CAPN2: variants seen among roughly 807,000 people sequenced by gnomAD.
CAPN2 encodes the protein calpain 2, also known as calpain-2 catalytic subunit.
In CAPN2, 92 loss-of-function variants were observed where a neutral mutation model predicts 102.3. That is an observed-to-expected ratio of 0.90 (90% CI 0.76 to 1.07). The LOEUF is 1.07. CAPN2 is among the 50% of genes least tolerant of loss of function. CAPN2 has a pLI of 0.00. For synonymous variants in CAPN2, 340 were observed against 355.4 expected (o/e 0.96, Z 0.49); for missense variants, 800 against 909.4 (o/e 0.88, Z 1.55).
chr1:223,770,662 C>T (rs1424231539), intron 18 of CAPN2, 137 bp downstream of exon 18: 4 of 564,984 alleles, frequency 7.1e-6, no homozygotes, highest in Non-Finnish European at 1.3e-5. Context: ...CAGACACCTC[C>T]TTTTCATTCC....
chr1:223,771,866 A>AGCTC lies in CAPN2; in HGVS notation c.1962_1965dup (p.Ile656AlafsTer6), dbSNP rs754928565. ...ATCGTTGCTCGGTTTGCAGATGACC[A>AGCTC]GCTCATCATCGATTTTGATAATTTT... On this transcript the variant is annotated frameshift_variant, in exon 19 of 21. Coordinates refer to ENST00000295006, the MANE Select transcript of CAPN2 (RefSeq NM_001748.5). LOFTEE classifies it high-confidence loss of function. 1.9e-6 allele frequency: 3 copies of AGCTC among 1,614,190 alleles called. No individual in the cohort carries two copies. Among genetic ancestry groups the AGCTC allele is most frequent in the Non-Finnish European group, 8.5e-7 (1 of 1,180,002 alleles).
At chr1:223,772,361 C>T in intron 20 of CAPN2, 122 bp downstream of exon 20, 1 of 757,462 alleles carries the variant, frequency 1.3e-6, no homozygotes, top group Non-Finnish European at 2.2e-6. Context: ...TCTGTCGGGG[C>T]CAGGCCTGTA....
At chr1:223,768,985 G>A (rs1051152004) in intron 16 of CAPN2, among the ~76,000 whole-genome samples, 1 of 152,130 alleles carries the variant, frequency 6.6e-6, no homozygotes, top group African/African-American at 2.4e-5. Flanking sequence ...TTTTGCTCTA[G>A]CTCCTTCCCA....
intron 2 of CAPN2, among the ~76,000 whole-genome samples, chr1:223,720,474 C>G (rs559677453): frequency 1.2e-4 from 19 of 152,142 alleles, no homozygotes; most frequent in African/African-American, 4.6e-4. Context: ...CGCCACCACA[C>G]CTGGCTAATT....
chr1:223,757,655 T>C (rs1026504783), intron 11 of CAPN2: 2 of 519,818 alleles, frequency 3.8e-6, no homozygotes, highest in African/African-American at 1.9e-5. Context: ...AGAAAATCCA[T>C]GATCCTGAGA....
chr1:223,774,855 T>C lies in CAPN2; in HGVS notation c.2101T>C (p.Ter701ArgextTer4), dbSNP rs769618868. 4.3e-6 allele frequency: 7 copies of C among 1,613,390 alleles called. No homozygotes were observed. In the South Asian group the frequency reaches 7.7e-5, roughly 18 times the overall value. ...ACAGTGGCTCTGTTTCTCAGTACTT[T>C]GAAGTTATAACTAATCTGCCTGAAG... The part of the protein sequence containing the change: ...LISWLCFSVL[*>R] Residue 701 changes from the stop codon to arginine (R), a stop_lost, in exon 21 of 21, where the codon TGA (stop) becomes CGA (arginine). Coordinates refer to ENST00000295006, the MANE Select transcript of CAPN2 (RefSeq NM_001748.5).
chr1:223,755,557 T>A lies in CAPN2; in HGVS notation c.1213T>A (p.Cys405Ser), dbSNP rs949297706. Residue 405 changes from cysteine to serine, a missense_variant, in exon 10 of 21, where the codon TGC becomes AGC. By Grantham distance (112) the Cys-to-Ser change is moderately radical. Transcript: ENST00000295006. This position sits in a 1 kb window ranked among gnomAD's most constrained non-coding sequence, Gnocchi z 4.1. ...GGACGAGGAGGATGGGGAGAGCGGC[T>A]GCACCTTCCTGGTGGGGCTCATTCA... ...DEDEEDGESGCTFLVGLIQKH... is the reference protein window; with the variant it reads ...DEDEEDGESGSTFLVGLIQKH... 1.9e-6 allele frequency: 3 copies of A among 1,613,870 alleles called. No individual in the cohort carries two copies. In the African/African-American group the frequency reaches 4.0e-5, roughly 22 times the overall value.
In CAPN2 at chr1:223,754,749, G is replaced by A. The variant is rs560082304; in HGVS notation, c.1136-731G>A. Among the ~76,000 whole-genome samples, 1 of 152,348 alleles carries A rather than the reference G, an allele frequency of 6.6e-6. No individual in the cohort carries two copies. Among genetic ancestry groups the A allele is most frequent in the African/African-American group, 2.4e-5 (1 of 41,562 alleles). On this transcript the variant is annotated intron_variant, in intron 9 of 20. Transcript: ENST00000295006. This position sits in a 1 kb window ranked among gnomAD's most constrained non-coding sequence, Gnocchi z 4.7. ...AGGGAATAGGCCTGAGAGGACAAGG[G>A]ACGCAGAACAAGAAAGAGTCTGGAA...
In CAPN2 at chr1:223,712,541, T is replaced by C. The variant is rs1659756921; in HGVS notation, c.-100T>C. On this transcript the variant is annotated 5_prime_UTR_variant, in exon 1 of 21. Coordinates refer to ENST00000295006, the MANE Select transcript of CAPN2 (RefSeq NM_001748.5). Reference sequence around the variant, plus strand: ...TCGCTCGCAGCGGCGGCGCCCGCAGTGGCCGCAGCAGCGCGCCGGGCCCTG... The same window carrying C: ...TCGCTCGCAGCGGCGGCGCCCGCAGCGGCCGCAGCAGCGCGCCGGGCCCTG... The C allele has an allele frequency of 5.6e-6, 7 of 1,246,026 alleles. No individual in the cohort carries two copies. Among genetic ancestry groups the C allele is most frequent in the Admixed American group, 4.4e-5 (1 of 22,916 alleles). The allele number at this position is 1,246,026 out of a possible 1,614,324, so 77.2% of individuals were successfully genotyped here.
At chr1:223,729,782 C>T (rs1660286648) in intron 2 of CAPN2, among the ~76,000 whole-genome samples, 1 of 152,112 alleles carries the variant, frequency 6.6e-6, no homozygotes, top group Non-Finnish European at 1.5e-5. Flanking sequence ...GCGGGTGGAT[C>T]ACCTGAGGTC....
intron 2 of CAPN2, among the ~76,000 whole-genome samples, chr1:223,723,159 A>G (rs1312588429): frequency 3.3e-5 from 5 of 152,062 alleles, no homozygotes; most frequent in Non-Finnish European, 7.4e-5. Flanking sequence ...TGTCTCTACA[A>G]AAAAATTACC....
At chr1:223,707,029 G>A (rs543202512) in intron 1 of CAPN2, among the ~76,000 whole-genome samples, 23 of 148,492 alleles carry the variant, frequency 1.5e-4, no homozygotes, top group South Asian at 1.5e-3. Context: ...GCAGTGAGCC[G>A]AGATCACGCC....
intron 19 of CAPN2, 105 bp from the exon 20 acceptor site, chr1:223,772,076 A>G: frequency 8.5e-7 from 1 of 1,174,836 alleles, no homozygotes; most frequent in South Asian, 1.2e-5. Context: ...GTGAGGAAGA[A>G]AGCATGTATG....
At chr1:223,707,514 G>C (rs1659636660) in intron 1 of CAPN2, among the ~76,000 whole-genome samples, 1 of 152,236 alleles carries the variant, frequency 6.6e-6, no homozygotes, top group Non-Finnish European at 1.5e-5. Context: ...AGTGTGAGAG[G>C]CTTTGGGAAG....
intron 4 of CAPN2, among the ~76,000 whole-genome samples, chr1:223,746,475 C>CTTTTTTTTTTTGTT (rs1660751260): frequency 9.2e-6 from 1 of 108,496 alleles, no homozygotes; most frequent in Non-Finnish European, 1.7e-5. Context: ...CTACGAGAAT[C>CTTTTTTTTTTTGTT]TTTTTTTTTT....
intron 2 of CAPN2, among the ~76,000 whole-genome samples, chr1:223,723,686 G>T (rs1660117263): frequency 6.6e-6 from 1 of 151,986 alleles, no homozygotes; most frequent in African/African-American, 2.4e-5. Context: ...AACAGGTCCA[G>T]GTGAACTGCT....
chr1:223,738,973 C>G (rs928473981), intron 2 of CAPN2, among the ~76,000 whole-genome samples: 4 of 152,120 alleles, frequency 2.6e-5, no homozygotes, highest in African/African-American at 9.7e-5. Context: ...GCCCTGGGCC[C>G]CCGGTGAGAT....
At position 223,775,982 on chromosome 1, in the gene CAPN2, A is replaced by C. The variant is rs1661609106; in HGVS notation, c.*1125A>C. 6.6e-6 allele frequency: 1 copy of C among 152,534 alleles called. No homozygotes were observed. The highest frequency in any genetic ancestry group is 6.5e-5 in the Admixed American group (1 of 15,280). 9.4% of individuals were successfully genotyped at this position (152,534 alleles called of 1,614,324 possible). A position where few individuals can be genotyped will look rare whatever the true frequency, so the allele number is the denominator to read the frequency against. ...CAAAGGAAAAGACACCTTGCCTATA[A>C]TTAAAATGTGGAACTATAAAATTTT... On this transcript the variant is annotated 3_prime_UTR_variant, in exon 21 of 21. Transcript: ENST00000295006.
rs749920294 is a variant in CAPN2 at position 223,746,997 on chromosome 1, G to A, written c.561G>A (p.Lys187=). 1.9e-6 allele frequency: 3 copies of A among 1,613,088 alleles called. No homozygotes were observed. The highest frequency in any genetic ancestry group is 3.3e-5 in the Admixed American group (2 of 59,924). ...WSALLEKAYA[K]INGCYEALSG... ...GGCAGCGTCTAATCCCCTCTTGTAG[G>A]ATCAACGGATGCTATGAAGCGCTAT... Residue 187 remains lysine (K), a splice_region_variant and synonymous_variant, in exon 5 of 21, where the codon AAG becomes AAA. Coordinates refer to ENST00000295006, the MANE Select transcript of CAPN2 (RefSeq NM_001748.5).
Sources: allele counts gnomAD v4.1 joint callset (sites outside exome capture counted in the v4.1 genomes callset), GRCh38; gene constraint gnomAD v4.1.1; non-coding constraint Gnocchi (gnomAD v3.1); transcripts MANE v1.5; gene names NCBI Gene and HGNC (gene_info 2026-07-23, HGNC 2026-07-21).